The following CAPN7 variants were observed in gnomAD, a reference collection of about 807,000 sequenced individuals.
The protein encoded by CAPN7 is calpain-7.
A neutral mutation model predicts 115.2 loss-of-function variants in CAPN7; 72 were observed. That is an observed-to-expected ratio of 0.63 (90% CI 0.52 to 0.76). The LOEUF (loss-of-function observed/expected upper bound fraction) is 0.76, where lower values mean the gene tolerates loss of function less well. CAPN7 is among the 30% of genes least tolerant of loss of function. The pLI is 0.00. For missense variants in CAPN7, 905 were observed against 971.5 expected, an observed-to-expected ratio of 0.93 and a Z score of 0.91; for synonymous variants, 344 against 322.3, an observed-to-expected ratio of 1.07 and a Z score of -0.72.
In CAPN7 at chr3:15,227,848, G is replaced by T; in HGVS notation, c.735G>T (p.Trp245Cys). 2.0e-6 allele frequency: 3 copies of T among 1,515,570 alleles called. No homozygotes were observed. Among genetic ancestry groups the T allele is most frequent in the South Asian group, 2.7e-5 (2 of 74,752 alleles). The allele number at this position is 1,515,570 out of a possible 1,614,324, so 93.9% of individuals were successfully genotyped here. ...TTTATTATTACCTCAGTGATAGATG[G>T]GGCAAGCTACCATTATCACCTAAAC... The part of the protein sequence containing the change: ...FAYPMPFCDR[W>C]GKLPLSPKQK... Residue 245 changes from tryptophan to cysteine, a missense_variant, in exon 7 of 21, where the codon TGG becomes TGT. Physicochemically the swap from Trp to Cys is radical, Grantham distance 215. Around this residue, in one of 3 missense-constraint regions of CAPN7, gnomAD observed 620 missense variants for 703.4 expected, o/e 0.88. Transcript: ENST00000253693.
intron 2 of CAPN7, among the ~76,000 whole-genome samples, chr3:15,214,237 G>T (rs1377474063): frequency 6.6e-6 from 1 of 152,096 alleles, no homozygotes; most frequent in South Asian, 2.1e-4. Flanking sequence ...TTCTGCTTTT[G>T]TTGAAGAAAT....
At chr3:15,249,103 CCAG>C (rs922582407) in intron 19 of CAPN7, among the ~76,000 whole-genome samples, 1 of 151,356 alleles carries the variant, frequency 6.6e-6, no homozygotes, top group Non-Finnish European at 1.5e-5. Flanking sequence ...ACAAACTAAT[CCAG>C]CAGCAGCAGT....
At chr3:15,240,402 C>T in intron 12 of CAPN7, 71 bp from the exon 13 acceptor site, 2 of 1,363,230 alleles carry the variant, frequency 1.5e-6, no homozygotes, top group Non-Finnish European at 2.1e-6. Context: ...AGTTCATCCT[C>T]TAATAAGAGA....
intron 8 of CAPN7, 119 bp downstream of exon 8, chr3:15,229,178 C>A: frequency 1.5e-6 from 1 of 657,718 alleles, no homozygotes; most frequent in South Asian, 2.2e-5. Context: ...TATGGCCCTT[C>A]TGTAGAAATT....
rs1370828549 is a variant in CAPN7 at position 15,246,783 on chromosome 3, T to G, written c.2062T>G (p.Leu688Val). ...TTCAAAGATTCCTTCACCATACACC[T>G]TATCAAAACGGGTGAGAAAATTCAT... ...TFSKIPSPYT[L>V]SKRINGKWSG... Residue 688 changes from leucine to valine, a missense_variant, in exon 18 of 21, where the codon TTA (leucine) becomes GTA (valine). Transcript: ENST00000253693. 1 of 1,601,506 alleles carries G rather than the reference T, an allele frequency of 6.2e-7. No homozygotes were observed. Among genetic ancestry groups the G allele is most frequent in the Non-Finnish European group, 8.5e-7 (1 of 1,172,858 alleles).
chr3:15,245,329 A>G (rs1286928679), intron 16 of CAPN7, among the ~76,000 whole-genome samples, 197 bp from the exon 17 acceptor site: 5 of 152,216 alleles, frequency 3.3e-5, no homozygotes, highest in Admixed American at 1.3e-4. Context: ...AAAGTATTCA[A>G]AAAGATTATT....
intron 16 of CAPN7, among the ~76,000 whole-genome samples, chr3:15,245,234 G>T (rs552058791): frequency 6.6e-6 from 1 of 150,448 alleles, no homozygotes; most frequent in African/African-American, 2.4e-5. Flanking sequence ...GATCCTCTAC[G>T]GGAGAAAAAT....
intron 2 of CAPN7, among the ~76,000 whole-genome samples, chr3:15,214,321 A>G (rs1331601828): frequency 6.6e-6 from 1 of 152,234 alleles, no homozygotes; most frequent in Non-Finnish European, 1.5e-5. Context: ...TTTTCAAATA[A>G]AAATCCTGTT....
chr3:15,208,533 C>G (rs1453861351), intron 1 of CAPN7, among the ~76,000 whole-genome samples: 1 of 148,158 alleles, frequency 6.7e-6, no homozygotes, highest in Non-Finnish European at 1.5e-5. Flanking sequence ...CTGGGTCAAG[C>G]GATCTTCCTG....
At chr3:15,233,270 T>C (rs189690581) in intron 10 of CAPN7, among the ~76,000 whole-genome samples, 14 of 152,354 alleles carry the variant, frequency 9.2e-5, no homozygotes, top group African/African-American at 3.4e-4. Flanking sequence ...AAGTGACATA[T>C]GCAAATCACC....
chr3:15,230,829 CTGAT>C (rs1350541146), intron 9 of CAPN7, among the ~76,000 whole-genome samples: 1 of 152,166 alleles, frequency 6.6e-6, no homozygotes, highest in East Asian at 1.9e-4. Flanking sequence ...GATAGTTCAT[CTGAT>C]TGTTTTGATT....
chr3:15,238,108 CTTTTTTTTTTTT>C (rs34203410), intron 12 of CAPN7, among the ~76,000 whole-genome samples: 2 of 58,188 alleles, frequency 3.4e-5, no homozygotes, highest in African/African-American at 1.5e-4. Context: ...ATTCTGACTT[CTTTTTTTTTTTT>C]TTTTTTTTTT....
chr3:15,217,654 T>A, intron 3 of CAPN7, 72 bp downstream of exon 3: 5 of 1,250,420 alleles, frequency 4.0e-6, no homozygotes, highest in Non-Finnish European at 5.4e-6. Flanking sequence ...GAATTTTACA[T>A]AACACCTTGA....
At chr3:15,227,629 T>G (rs1694402623) in intron 6 of CAPN7, among the ~76,000 whole-genome samples, 1 of 152,088 alleles carries the variant, frequency 6.6e-6, no homozygotes, top group Non-Finnish European at 1.5e-5. Context: ...TCTTCTGTTT[T>G]CAATTATTTA....
At position 15,240,407 on chromosome 3, in the gene CAPN7, A is replaced by G. The variant is rs191805869; in HGVS notation, c.1408-66A>G. 6.0e-5 allele frequency: 84 copies of G among 1,401,536 alleles called. No homozygotes were observed. In the East Asian group the frequency reaches 1.9e-3, roughly 31 times the overall value. The allele number at this position is 1,401,536 out of a possible 1,614,324, so 86.8% of individuals were successfully genotyped here. A position where few individuals can be genotyped will look rare whatever the true frequency, so the allele number is the denominator to read the frequency against. ...ATAAGTACTCAGTTCATCCTCTAAT[A>G]AGAGAACTAATATGGTAAAAACTGT... On this transcript the variant is annotated intron_variant, in intron 12 of 20. Coordinates refer to ENST00000253693, the MANE Select transcript of CAPN7 (RefSeq NM_014296.3).
rs769349556 is a variant in CAPN7, at chr3:15,245,710, A to G, written c.2010+39A>G. 5 of 1,584,316 alleles carry G rather than the reference A, an allele frequency of 3.2e-6. No homozygotes were observed. In the Admixed American group the frequency reaches 5.3e-5, roughly 17 times the overall value. ...ACACACAATGACAAAACACAGTAAT[A>G]TAAAGTATGTAATATGCTCTGCTTT... On this transcript the variant is annotated intron_variant, in intron 17 of 20. Transcript: ENST00000253693.
chr3:15,207,317 C>T (rs1559380496), intron 1 of CAPN7, among the ~76,000 whole-genome samples: 3 of 152,204 alleles, frequency 2.0e-5, no homozygotes. Flanking sequence ...AATACTACAC[C>T]AGTGTGGGGC....
chr3:15,207,247 A>G (rs1171517077), intron 1 of CAPN7, among the ~76,000 whole-genome samples: 1 of 152,166 alleles, frequency 6.6e-6, no homozygotes, highest in Non-Finnish European at 1.5e-5. Flanking sequence ...AGTGGTAAGT[A>G]TTTGTGCATC....
In CAPN7 at chr3:15,246,826, A is replaced by G. The variant is rs200981010; in HGVS notation, c.2073+32A>G. 13 of 1,455,446 alleles carry G rather than the reference A, an allele frequency of 8.9e-6. No homozygotes were observed. In the East Asian group the frequency reaches 2.5e-4, roughly 28 times the overall value. The allele number at this position is 1,455,446 out of a possible 1,614,324, so 90.2% of individuals were successfully genotyped here. A position where few individuals can be genotyped will look rare whatever the true frequency, so the allele number is the denominator to read the frequency against. On this transcript the variant is annotated intron_variant, in intron 18 of 20. Transcript: ENST00000253693. Reference sequence around the variant, plus strand: ...AAATTCATTTGGTTGTAATCTCAGCATTCTTTTAGAATTTTTAAATTCCCT... The same window carrying G: ...AAATTCATTTGGTTGTAATCTCAGCGTTCTTTTAGAATTTTTAAATTCCCT...
Sources: gnomAD v4.1 joint callset for allele counts (sites outside exome capture counted in the v4.1 genomes callset) on GRCh38, gnomAD v4.1.1 for gene constraint, gnomAD v4.1.1 regional missense constraint, MANE v1.5 for transcripts, NCBI Gene and HGNC (gene_info 2026-07-23, HGNC 2026-07-21) for gene names.